NOL10: variants seen among roughly 807,000 people sequenced by gnomAD.
NOL10 encodes H_NH0074G24.1.
A neutral mutation model predicts 103.5 loss-of-function variants in NOL10; 58 were observed. The observed-to-expected ratio is 0.56, with a 90% CI of 0.45 to 0.70. NOL10 has a LOEUF of 0.70. NOL10 is among the 30% of genes least tolerant of loss of function. The probability of loss-of-function intolerance (pLI) is 0.00; values close to 1 mark genes in which losing one functional copy is unlikely to be tolerated. For missense variants in NOL10, 763 were observed against 807.3 expected (o/e 0.95, Z 0.67); for synonymous variants, 287 against 282.5 (o/e 1.02, Z -0.16).
intron 13 of NOL10, among the ~76,000 whole-genome samples, chr2:10,614,757 A>T (rs1311996111): frequency 2.0e-5 from 3 of 152,228 alleles, no homozygotes; most frequent in East Asian, 3.8e-4. Context: ...GTATATACAC[A>T]CTATACATAG....
chr2:10,617,583 C>T (rs1159275910), intron 13 of NOL10, among the ~76,000 whole-genome samples: 1 of 152,078 alleles, frequency 6.6e-6, no homozygotes, highest in African/African-American at 2.4e-5. Context: ...AAAAAAATTA[C>T]AGGACACACA....
chr2:10,616,989 C>T (rs533841570), intron 13 of NOL10, among the ~76,000 whole-genome samples: 2 of 133,726 alleles, frequency 1.5e-5, no homozygotes, highest in Non-Finnish European at 3.2e-5. Context: ...ACTTTCCCTT[C>T]TCTCTAGATA....
intron 19 of NOL10, among the ~76,000 whole-genome samples, chr2:10,584,814 T>G (rs1674938473): frequency 6.6e-6 from 1 of 152,218 alleles, no homozygotes; most frequent in Non-Finnish European, 1.5e-5. Flanking sequence ...ATGTTTAACT[T>G]GGTGATATTT....
chr2:10,574,866 C>G (rs2148136833), intron 20 of NOL10, among the ~76,000 whole-genome samples: 1 of 152,290 alleles, frequency 6.6e-6, no homozygotes, highest in Admixed American at 6.5e-5. Flanking sequence ...GAAGCTCTGC[C>G]AGACTTTCTC....
At chr2:10,578,340 A>G (rs1364270445) in intron 19 of NOL10, among the ~76,000 whole-genome samples, 1 of 152,256 alleles carries the variant, frequency 6.6e-6, no homozygotes, top group African/African-American at 2.4e-5. Flanking sequence ...GCTGAGAGAA[A>G]ACAAAAGCAA....
chr2:10,638,325 G>GTAACGTAACGTAACGTA (rs1558311245), intron 13 of NOL10, among the ~76,000 whole-genome samples: 2 of 127,256 alleles, frequency 1.6e-5, no homozygotes, highest in African/African-American at 8.6e-5. Flanking sequence ...GACGTGACGT[G>GTAACGTAACGTAACGTA]ACGTGACGTA....
chr2:10,589,400 C>T, intron 18 of NOL10, 110 bp from the exon 19 acceptor site: 5 of 1,415,274 alleles, frequency 3.5e-6, no homozygotes, highest in Non-Finnish European at 3.8e-6. Flanking sequence ...AGCTGCTCTA[C>T]TGCATGCATC....
chr2:10,620,637 C>T (rs1477770644), intron 13 of NOL10, among the ~76,000 whole-genome samples: 44 of 152,266 alleles, frequency 2.9e-4, no homozygotes, highest in East Asian at 1.9e-4. Context: ...TGGTCAACCA[C>T]AACAGTACTT....
intron 17 of NOL10, among the ~76,000 whole-genome samples, chr2:10,597,664 CTGA>C (rs1278992926): frequency 1.1e-4 from 17 of 152,256 alleles, no homozygotes; most frequent in African/African-American, 4.1e-4. Flanking sequence ...AAACTGAGCT[CTGA>C]TAATAGGTCT....
At chr2:10,617,145 T>C (rs539552638) in intron 13 of NOL10, among the ~76,000 whole-genome samples, 1 of 151,648 alleles carries the variant, frequency 6.6e-6, no homozygotes, top group Non-Finnish European at 1.5e-5. Flanking sequence ...CAATGAAGAA[T>C]AGAGGGGAAG....
intron 13 of NOL10, among the ~76,000 whole-genome samples, chr2:10,628,833 C>A (rs1225834331): frequency 6.6e-6 from 1 of 152,206 alleles, no homozygotes; most frequent in African/African-American, 2.4e-5. Flanking sequence ...CAACTAAGAA[C>A]ACAAAAATAA....
chr2:10,591,188 A>T (rs1188879923), intron 17 of NOL10, among the ~76,000 whole-genome samples: 1 of 152,204 alleles, frequency 6.6e-6, no homozygotes, highest in African/African-American at 2.4e-5. Context: ...CATCATTTCC[A>T]AGAAAGACTT....
intron 3 of NOL10, among the ~76,000 whole-genome samples, chr2:10,676,365 TGCA>T (rs1681307857): frequency 6.6e-6 from 1 of 152,236 alleles, no homozygotes; most frequent in Non-Finnish European, 1.5e-5. Flanking sequence ...GAATGTTCAC[TGCA>T]GCATTATTTA....
intron 12 of NOL10, among the ~76,000 whole-genome samples, chr2:10,652,337 G>A (rs1336258657): frequency 6.6e-6 from 1 of 151,612 alleles, no homozygotes; most frequent in Non-Finnish European, 1.5e-5. Context: ...ACACCAGCTG[G>A]GTGACCAACC....
chr2:10,666,017 T>G (rs1680545265), intron 8 of NOL10, among the ~76,000 whole-genome samples: 1 of 152,044 alleles, frequency 6.6e-6, no homozygotes, highest in African/African-American at 2.4e-5. Flanking sequence ...AACAGTTAGT[T>G]TTCAACCCTT....
intron 19 of NOL10, among the ~76,000 whole-genome samples, chr2:10,587,118 T>TACATATATATACATATATAC (rs1675105174): frequency 4.4e-5 from 2 of 45,866 alleles, no homozygotes; most frequent in Non-Finnish European, 7.9e-5. Flanking sequence ...TACATATATA[T>TACATATATATACATATATAC]ACATATATAT....
intron 17 of NOL10, among the ~76,000 whole-genome samples, chr2:10,599,204 A>G (rs950681815): frequency 2.0e-5 from 3 of 152,254 alleles, no homozygotes; most frequent in African/African-American, 7.2e-5. Context: ...TCTTGCCTCT[A>G]TCAGATGATA....
At chr2:10,673,397 A>G (rs1412488501) in intron 5 of NOL10, 123 bp downstream of exon 5, 2 of 540,524 alleles carry the variant, frequency 3.7e-6, no homozygotes, top group East Asian at 3.4e-5. Flanking sequence ...TTGTTTAACA[A>G]TAGAACTACA....
At chr2:10,673,769 A>G (rs1056157129) in intron 4 of NOL10, among the ~76,000 whole-genome samples, 2 of 152,216 alleles carry the variant, frequency 1.3e-5, no homozygotes, top group Non-Finnish European at 2.9e-5. Context: ...ATACACATCA[A>G]CTAGATTTCT....
Sources: allele counts gnomAD v4.1 joint callset (sites outside exome capture counted in the v4.1 genomes callset), GRCh38; gene constraint gnomAD v4.1.1; transcripts MANE v1.5; gene names NCBI Gene and HGNC (gene_info 2026-07-23, HGNC 2026-07-21).